DGKZ: variants seen among roughly 807,000 people sequenced by gnomAD.
The protein encoded by DGKZ is DAG kinase zeta.
Under a neutral mutation model 142.5 loss-of-function variants are expected in DGKZ, and 45 were observed. The observed-to-expected ratio is 0.32, with a 90% CI of 0.25 to 0.40. The LOEUF (loss-of-function observed/expected upper bound fraction) is 0.40, where lower values mean the gene tolerates loss of function less well. DGKZ is among the 10% of genes least tolerant of loss of function. The pLI is 1.00. For missense variants in DGKZ, 755 were observed against 1,306.5 expected (o/e 0.58, Z 6.51); for synonymous variants, 442 against 527.0 (o/e 0.84, Z 2.21).
At chr11:46,378,881 G>T in intron 27 of DGKZ, 110 bp from the exon 28 acceptor site, 1 of 1,442,316 alleles carries the variant, frequency 6.9e-7, no homozygotes, top group Non-Finnish European at 9.1e-7. Flanking sequence ...ATGTGTGAGC[G>T]CACTCGTTTC....
At chr11:46,353,090 T>C (rs1389982847) in intron 1 of DGKZ, among the ~76,000 whole-genome samples, 2 of 152,216 alleles carry the variant, frequency 1.3e-5, no homozygotes, top group African/African-American at 4.8e-5. Context: ...TTCCAGCTCC[T>C]CTGTCTTTGG....
At chr11:46,380,365 G>A (rs1254033205), downstream of DGKZ, 1 of 159,308 alleles carries the variant, frequency 6.3e-6, no homozygotes, top group Non-Finnish European at 1.4e-5. Flanking sequence ...ACCTCCTCCG[G>A]GCTTCCTCCC....
intron 1 of DGKZ, among the ~76,000 whole-genome samples, chr11:46,357,412 G>A (rs1942156453): frequency 6.6e-6 from 1 of 152,206 alleles, no homozygotes; most frequent in African/African-American, 2.4e-5. Flanking sequence ...CTCTAGAGAG[G>A]AGAGGAAGGT....
upstream of DGKZ, chr11:46,347,300 T>A (rs1356464347): frequency 1.0e-6 from 1 of 984,802 alleles, no homozygotes; most frequent in East Asian, 1.1e-4. This position sits in a 1 kb window ranked among gnomAD's most constrained non-coding sequence, Gnocchi z 6.4. Flanking sequence ...GCCCCGCCCA[T>A]TCGTCGCCCC....
chr11:46,348,461 C>T (rs1362827058), intron 1 of DGKZ, among the ~76,000 whole-genome samples: 1 of 152,150 alleles, frequency 6.6e-6, no homozygotes, highest in Non-Finnish European at 1.5e-5. Context: ...GCAGAGAGAC[C>T]CCAGCCCATC....
Position 46,360,034 on chromosome 11 carries a change from C to A in DGKZ, c.162-7257C>A, listed in dbSNP as rs1489857754. On this transcript the variant is annotated intron_variant, in intron 1 of 30. Transcript: ENST00000527911. ...CCTGGAAAGGCTGTTAAAGATATTC[C>A]TTCTTTTTGTAACTACATGTCTGTG... 4.6e-5 allele frequency among the ~76,000 whole-genome samples: 7 copies of A among 152,236 alleles called. No individual in the cohort carries two copies. In the East Asian group the frequency reaches 1.3e-3, roughly 29 times the overall value.
intron 6 of DGKZ, among the ~76,000 whole-genome samples, chr11:46,370,324 G>A (rs544025680): frequency 1.3e-5 from 2 of 152,260 alleles, no homozygotes; most frequent in African/African-American, 2.4e-5. Flanking sequence ...TGTGCCGAGC[G>A]CCAAGCTGGG....
upstream of DGKZ, among the ~76,000 whole-genome samples, chr11:46,346,712 T>G (rs1940656696): frequency 6.6e-6 from 1 of 152,104 alleles, no homozygotes; most frequent in Non-Finnish European, 1.5e-5. Context: ...TTCTGTGTAT[T>G]TGTGAGTGTG....
Position 46,347,898 on chromosome 11 carries a change from A to G in DGKZ, c.161+78A>G, listed in dbSNP as rs1463599223. The G allele has an allele frequency of 4.0e-6, 5 of 1,264,016 alleles. No individual in the cohort carries two copies. The African/African-American group carries it at 6.2e-5, about 16-fold the overall frequency. The allele number at this position is 1,264,016 out of a possible 1,614,324, so 78.3% of individuals were successfully genotyped here. On this transcript the variant is annotated intron_variant, in intron 1 of 30. Coordinates refer to ENST00000527911, the Ensembl canonical transcript of DGKZ. This position sits in a 1 kb window ranked among gnomAD's most constrained non-coding sequence, Gnocchi z 6.4. Reference sequence around the variant, plus strand: ...CCTCACCGGGGGACATTCCTCGGCCACTGGGGGTCCGGGCCACTTCGGTAC... The same window carrying G: ...CCTCACCGGGGGACATTCCTCGGCCGCTGGGGGTCCGGGCCACTTCGGTAC...
intron 1 of DGKZ, among the ~76,000 whole-genome samples, chr11:46,337,065 C>T (rs117671462): frequency 0.019 from 2,939 of 152,128 alleles, 37 homozygotes; most frequent in Non-Finnish European, 0.031. Flanking sequence ...GATCTTGCAT[C>T]TCCATCTGGG....
intron 1 of DGKZ, among the ~76,000 whole-genome samples, chr11:46,358,791 G>A (rs1942313570): frequency 1.3e-5 from 2 of 152,180 alleles, no homozygotes. Flanking sequence ...GGCTTCCTCA[G>A]GCTTAAAATT....
chr11:46,359,351 A>C (rs1479018663), intron 1 of DGKZ, among the ~76,000 whole-genome samples: 1 of 151,716 alleles, frequency 6.6e-6, no homozygotes, highest in Non-Finnish European at 1.5e-5. Context: ...AGGCTGAGAC[A>C]GGAGAGTCAC....
intron 1 of DGKZ, among the ~76,000 whole-genome samples, chr11:46,355,398 G>A (rs997621610): frequency 2.0e-5 from 3 of 151,440 alleles, no homozygotes; most frequent in East Asian, 1.9e-4. Flanking sequence ...ATGAGCCACC[G>A]CGCCCGGCTA....
chr11:46,365,595 C>T, intron 1 of DGKZ: 3 of 985,356 alleles, frequency 3.0e-6, no homozygotes, highest in Non-Finnish European at 3.6e-6. Context: ...ATTAGACCCT[C>T]TCTATTTCCA....
chr11:46,374,108 G>T (rs1406036503), intron 14 of DGKZ, 49 bp from the exon 15 acceptor site: 1 of 1,603,394 alleles, frequency 6.2e-7, no homozygotes, highest in South Asian at 1.1e-5. Flanking sequence ...CTGGAGCGGG[G>T]ACATTTGTGA....
chr11:46,366,847 T>TG (rs765433873), intron 1 of DGKZ: 2 of 1,546,482 alleles, frequency 1.3e-6, no homozygotes, highest in Non-Finnish European at 1.7e-6. Flanking sequence ...GCCAGCACCC[T>TG]GGCCCTGGGG....
intron 19 of DGKZ, 37 bp from the exon 20 acceptor site, chr11:46,375,395 C>T (rs774781319): frequency 5.2e-6 from 8 of 1,539,598 alleles, no homozygotes; most frequent in African/African-American, 2.7e-5. Flanking sequence ...TGCCCCCAGC[C>T]CTGGTGCCAT....
At chr11:46,348,159 A>G (rs1940905039) in intron 1 of DGKZ, among the ~76,000 whole-genome samples, 1 of 151,916 alleles carries the variant, frequency 6.6e-6, no homozygotes, top group South Asian at 2.1e-4. Flanking sequence ...CCCCCGGCAC[A>G]AGCAGGTTGG....
chr11:46,364,604 T>TCCAC, intron 1 of DGKZ: 1 of 985,406 alleles, frequency 1.0e-6, no homozygotes, highest in Non-Finnish European at 1.2e-6. Flanking sequence ...CCTAGGCACC[T>TCCAC]CCACCCTGTC....
Sources: allele counts gnomAD v4.1 joint callset (sites outside exome capture counted in the v4.1 genomes callset), GRCh38; gene constraint gnomAD v4.1.1; non-coding constraint Gnocchi (gnomAD v3.1); transcripts MANE v1.5; gene names NCBI Gene and HGNC (gene_info 2026-07-23, HGNC 2026-07-21).